HTR1F: variants seen among roughly 807,000 people sequenced by gnomAD.
The protein encoded by HTR1F is 5-hydroxytryptamine (serotonin) receptor 1F, G protein-coupled.
A neutral mutation model predicts 24.0 loss-of-function variants in HTR1F; 17 were observed. That is an observed-to-expected ratio of 0.71 (90% confidence interval 0.48 to 1.06). The LOEUF is 1.06. Ranked by LOEUF, HTR1F falls within the 50% of genes least tolerant of loss-of-function variation. The pLI, the probability that HTR1F is intolerant of heterozygous loss-of-function variation, is 0.00. For missense variants in HTR1F, 391 were observed against 427.8 expected, an observed-to-expected ratio of 0.91 and a Z score of 0.76; for synonymous variants, 186 against 156.8, an observed-to-expected ratio of 1.19 and a Z score of -1.39.
chr3:87,796,908 C>T (rs1703915155), intron 1 of HTR1F, among the ~76,000 whole-genome samples: 1 of 152,102 alleles, frequency 6.6e-6, no homozygotes, highest in South Asian at 2.1e-4. Context: ...TTACTCTTTG[C>T]AGTTTTGTAC....
In HTR1F at chr3:87,990,792, G is replaced by A. The variant is rs200299083; in HGVS notation, c.43G>A (p.Glu15Lys). The A allele has an allele frequency of 6.2e-7, 1 of 1,613,556 alleles. No individual in the cohort carries two copies. The highest frequency in any genetic ancestry group is 1.7e-5 in the Admixed American group (1 of 59,986). ...ATCTGATCAAAACTTGACCTCAGAG[G>A]AACTGTTAAACAGAATGCCATCCAA... ...NSSDQNLTSE[E>K]LLNRMPSKIL... The change falls in exon 3 of 3, where the codon GAA becomes AAA. Residue 15 changes from glutamate to lysine, a missense_variant. Transcript: ENST00000319595.
chr3:87,925,287 G>A lies in HTR1F; in HGVS notation c.-42-65421G>A, dbSNP rs187612534. On this transcript the variant is annotated intron_variant, in intron 2 of 2. Coordinates refer to ENST00000319595, the MANE Select transcript of HTR1F (RefSeq NM_001322209.2). Reference sequence around the variant, plus strand: ...TGGGCAGAACAGTCCTTGGACTCTAGGGGGCACATACAACAGCTTATCTGG... The same window carrying A: ...TGGGCAGAACAGTCCTTGGACTCTAAGGGGCACATACAACAGCTTATCTGG... 2.0e-5 allele frequency among the ~76,000 whole-genome samples: 3 copies of A among 152,244 alleles called. No individual in the cohort carries two copies. The East Asian group carries it at 5.8e-4, about 29-fold the overall frequency.
chr3:87,886,435 C>G (rs746785212), intron 2 of HTR1F, among the ~76,000 whole-genome samples: 18 of 152,134 alleles, frequency 1.2e-4, no homozygotes, highest in Non-Finnish European at 2.1e-4. Flanking sequence ...TGGCACAAGA[C>G]AGAGATGCCC....
At chr3:87,970,161 G>T (rs1440354168) in intron 2 of HTR1F, among the ~76,000 whole-genome samples, 1 of 152,234 alleles carries the variant, frequency 6.6e-6, no homozygotes, top group African/African-American at 2.4e-5. Context: ...GCAACATTAA[G>T]CAGAGTAGTG....
At chr3:87,888,298 A>G (rs947595278) in intron 2 of HTR1F, among the ~76,000 whole-genome samples, 1 of 152,124 alleles carries the variant, frequency 6.6e-6, no homozygotes, top group African/African-American at 2.4e-5. Context: ...GAAAGGGAAC[A>G]TCACACACCG....
At chr3:87,921,241 T>G (rs768937696) in intron 2 of HTR1F, among the ~76,000 whole-genome samples, 6 of 152,034 alleles carry the variant, frequency 3.9e-5, no homozygotes, top group Non-Finnish European at 8.8e-5. Context: ...TGACAGGGCA[T>G]CTAGTGTTTA....
At chr3:87,877,529 G>T (rs899570055) in intron 2 of HTR1F, among the ~76,000 whole-genome samples, 1 of 152,070 alleles carries the variant, frequency 6.6e-6, no homozygotes, top group Non-Finnish European at 1.5e-5. Context: ...TTATTACAAT[G>T]TGCTAAGCAC....
At chr3:87,831,001 T>C (rs1704561867) in intron 2 of HTR1F, among the ~76,000 whole-genome samples, 1 of 152,204 alleles carries the variant, frequency 6.6e-6, no homozygotes, top group African/African-American at 2.4e-5. Context: ...AGGGACTGTG[T>C]CCTATTCAGT....
intron 2 of HTR1F, among the ~76,000 whole-genome samples, chr3:87,829,088 A>G (rs934300406): frequency 6.6e-6 from 1 of 151,116 alleles, no homozygotes; most frequent in Non-Finnish European, 1.5e-5. Flanking sequence ...CCTGTGCTTT[A>G]TTTGTGAGGC....
At chr3:87,924,121 C>T (rs1280307402) in intron 2 of HTR1F, among the ~76,000 whole-genome samples, 2 of 151,930 alleles carry the variant, frequency 1.3e-5, no homozygotes, top group African/African-American at 2.4e-5. Context: ...GCCATTTGGT[C>T]CTGGGCTTTT....
intron 2 of HTR1F, among the ~76,000 whole-genome samples, chr3:87,870,770 C>T (rs1209369243): frequency 6.6e-6 from 1 of 151,984 alleles, no homozygotes; most frequent in African/African-American, 2.4e-5. Context: ...CAGATAGGTG[C>T]TAGAAGAAGC....
intron 2 of HTR1F, among the ~76,000 whole-genome samples, chr3:87,920,298 G>A (rs1487315638): frequency 6.6e-6 from 1 of 151,776 alleles, no homozygotes; most frequent in African/African-American, 2.4e-5. Context: ...ATAGGGTAAA[G>A]TGTGTACTGC....
chr3:87,853,222 C>A (rs559003289), intron 2 of HTR1F, among the ~76,000 whole-genome samples: 3 of 152,120 alleles, frequency 2.0e-5, no homozygotes, highest in Non-Finnish European at 4.4e-5. Context: ...CACTCCCACT[C>A]CCACCCTCCA....
intron 2 of HTR1F, among the ~76,000 whole-genome samples, chr3:87,853,484 G>A (rs1394592076): frequency 2.6e-5 from 4 of 152,060 alleles, no homozygotes; most frequent in Non-Finnish European, 4.4e-5. Context: ...TTGGCATTTA[G>A]GTTGATTCCA....
chr3:87,948,212 T>C (rs1228975924), intron 2 of HTR1F, among the ~76,000 whole-genome samples: 1 of 152,204 alleles, frequency 6.6e-6, no homozygotes. Context: ...TTGGCTGGCC[T>C]GCCTCCAATT....
intron 2 of HTR1F, among the ~76,000 whole-genome samples, chr3:87,911,904 GA>G (rs1559628398): frequency 2.0e-5 from 3 of 151,996 alleles, no homozygotes; most frequent in African/African-American, 7.3e-5. Flanking sequence ...ACTGGGTATC[GA>G]AGAAATATAC....
At chr3:87,849,445 A>G (rs1015976288) in intron 2 of HTR1F, among the ~76,000 whole-genome samples, 5 of 151,928 alleles carry the variant, frequency 3.3e-5, no homozygotes, top group African/African-American at 1.2e-4. Context: ...TACACCTTCT[A>G]CAAAAATTAA....
intron 2 of HTR1F, among the ~76,000 whole-genome samples, chr3:87,946,355 G>C (rs1044216853): frequency 1.3e-5 from 2 of 152,036 alleles, no homozygotes; most frequent in African/African-American, 2.4e-5. Context: ...CCCATACAAA[G>C]GGAGGGGCCC....
At chr3:87,847,269 T>C (rs892146856) in intron 2 of HTR1F, among the ~76,000 whole-genome samples, 6 of 151,990 alleles carry the variant, frequency 3.9e-5, no homozygotes, top group African/African-American at 1.5e-4. Context: ...TGCAGATGGG[T>C]TAATTGTCAC....
Sources: gnomAD v4.1 joint callset for allele counts (sites outside exome capture counted in the v4.1 genomes callset) on GRCh38, gnomAD v4.1.1 for gene constraint, MANE v1.5 for transcripts, NCBI Gene and HGNC (gene_info 2026-07-23, HGNC 2026-07-21) for gene names.